The following AFG1L variants were observed in gnomAD, a reference collection of about 807,000 sequenced individuals.
The protein encoded by AFG1L is AFG1 like ATPase, also known as AFG1-like ATPase.
AFG1L carries 53 observed loss-of-function variants against 62.2 expected under a neutral mutation model. The observed-to-expected ratio is 0.85, with a 90% CI of 0.68 to 1.07. The LOEUF (loss-of-function observed/expected upper bound fraction) is 1.07, where lower values mean the gene tolerates loss of function less well. AFG1L is among the 50% of genes least tolerant of loss of function. The pLI is 0.00. For missense variants in AFG1L, 555 were observed against 590.5 expected, an observed-to-expected ratio of 0.94 and a Z score of 0.62; for synonymous variants, 228 against 210.3, an observed-to-expected ratio of 1.08 and a Z score of -0.73.
chr6:108,518,311 T>C (rs1774982412), intron 11 of AFG1L, among the ~76,000 whole-genome samples: 1 of 152,094 alleles, frequency 6.6e-6, no homozygotes, highest in Admixed American at 6.5e-5. Context: ...CACCATGGAA[T>C]ACTATGCAGC....
intron 7 of AFG1L, among the ~76,000 whole-genome samples, chr6:108,409,613 A>G (rs1277651093): frequency 6.6e-6 from 1 of 152,198 alleles, no homozygotes; most frequent in Non-Finnish European, 1.5e-5. Flanking sequence ...GACATAAGAG[A>G]TTAGACATGA....
chr6:108,499,852 T>C (rs961380918), intron 10 of AFG1L, among the ~76,000 whole-genome samples: 2 of 151,976 alleles, frequency 1.3e-5, no homozygotes, highest in Non-Finnish European at 2.9e-5. Context: ...GTTACATGGG[T>C]GTATTGTATA....
At chr6:108,345,043 G>A (rs1778813850) in intron 2 of AFG1L, among the ~76,000 whole-genome samples, 1 of 152,134 alleles carries the variant, frequency 6.6e-6, no homozygotes, top group African/African-American at 2.4e-5. Flanking sequence ...TCTTCTTGCT[G>A]AGTAGGAAGT....
intron 7 of AFG1L, among the ~76,000 whole-genome samples, chr6:108,431,957 A>G (rs1055336593): frequency 6.0e-5 from 9 of 150,554 alleles, no homozygotes; most frequent in African/African-American, 2.2e-4. Context: ...AGAGTTCCAG[A>G]CACTGACAGG....
At position 108,356,795 on chromosome 6, in the gene AFG1L, G is replaced by A; in HGVS notation, c.623G>A (p.Cys208Tyr). 6.2e-7 allele frequency: 1 copy of A among 1,613,230 alleles called. No individual in the cohort carries two copies. Among genetic ancestry groups the A allele is most frequent in the Non-Finnish European group, 8.5e-7 (1 of 1,179,598 alleles). The change falls in exon 5 of 13, where the codon TGT (cysteine) becomes TAT (tyrosine). Residue 208 changes from cysteine (C) to tyrosine (Y), a missense_variant. By Grantham distance (194) the Cys-to-Tyr change is radical (BLOSUM62 -2). Coordinates refer to ENST00000368977, the MANE Select transcript of AFG1L (RefSeq NM_145315.5). ...GCCGAAGAAATCAGCGAAGAAGCAT[G>A]TCTCCTATGTTTTGATGAATTTCAG... ...PIAEEISEEA[C>Y]LLCFDEFQVT... is the part of the protein sequence containing the mutation.
At chr6:108,360,869 C>T (rs971341112) in intron 5 of AFG1L, among the ~76,000 whole-genome samples, 5 of 152,196 alleles carry the variant, frequency 3.3e-5, no homozygotes, top group African/African-American at 1.2e-4. Flanking sequence ...TGTTGCTGCA[C>T]CAGCACTCTG....
rs532543753 is a variant in AFG1L at position 108,324,916 on chromosome 6, C to G, written c.363+868C>G. On this transcript the variant is annotated intron_variant, in intron 2 of 12. Transcript: ENST00000368977. ...CCATGTTGGCCAGGCTGGTCTTGAA[C>G]TCCTGACCTCAAGTGATCCACCTGT... is the stretch of plus-strand genomic sequence containing the variant. 8.5e-5 allele frequency among the ~76,000 whole-genome samples: 13 copies of G among 152,252 alleles called. No individual in the cohort carries two copies. In the South Asian group the frequency reaches 1.2e-3, roughly 15 times the overall value.
chr6:108,464,315 C>A (rs1772583658), intron 8 of AFG1L, among the ~76,000 whole-genome samples: 2 of 152,064 alleles, frequency 1.3e-5, no homozygotes, highest in African/African-American at 4.8e-5. Flanking sequence ...ATAATAAGGT[C>A]TTTTTTGACA....
At chr6:108,441,712 A>AAAATATATATATAT (rs1401294615) in intron 7 of AFG1L, among the ~76,000 whole-genome samples, 75 of 139,492 alleles carry the variant, frequency 5.4e-4, no homozygotes, top group South Asian at 1.4e-3. Context: ...AAAAAAAAAA[A>AAAATATATATATAT]ATATATATAT....
At chr6:108,518,733 A>T (rs1337909437) in intron 11 of AFG1L, among the ~76,000 whole-genome samples, 1 of 152,254 alleles carries the variant, frequency 6.6e-6, no homozygotes, top group East Asian at 1.9e-4. Context: ...ATCACATATG[A>T]ACACTCATTC....
At chr6:108,500,837 T>G (rs1257868279) in intron 10 of AFG1L, among the ~76,000 whole-genome samples, 1 of 152,214 alleles carries the variant, frequency 6.6e-6, no homozygotes, top group African/African-American at 2.4e-5. Context: ...GGCTTTTTAG[T>G]AATAGTCATT....
At chr6:108,508,956 G>T (rs1416040921) in intron 10 of AFG1L, among the ~76,000 whole-genome samples, 1 of 152,170 alleles carries the variant, frequency 6.6e-6, no homozygotes, top group Non-Finnish European at 1.5e-5. Flanking sequence ...AGGTCGATCA[G>T]GGTGACCCAG....
At chr6:108,344,501 G>T (rs939985524) in intron 2 of AFG1L, among the ~76,000 whole-genome samples, 2 of 152,130 alleles carry the variant, frequency 1.3e-5, no homozygotes, top group Non-Finnish European at 2.9e-5. Context: ...CAAGAGGATT[G>T]CTTGAGTCCA....
intron 8 of AFG1L, among the ~76,000 whole-genome samples, chr6:108,459,763 G>C (rs1316874014): frequency 3.3e-5 from 5 of 152,136 alleles, no homozygotes; most frequent in Admixed American, 1.3e-4. Context: ...AATGGATCTA[G>C]TTAATGATCA....
intron 1 of AFG1L, among the ~76,000 whole-genome samples, 164 bp from the exon 2 acceptor site, chr6:108,323,661 G>A (rs1163411109): frequency 6.6e-6 from 1 of 152,116 alleles, no homozygotes; most frequent in Non-Finnish European, 1.5e-5. Context: ...ATGCCTGGCT[G>A]AAAATGTATT....
intron 8 of AFG1L, among the ~76,000 whole-genome samples, chr6:108,470,679 A>C (rs1169004059): frequency 6.6e-6 from 1 of 152,228 alleles, no homozygotes; most frequent in Non-Finnish European, 1.5e-5. Flanking sequence ...ACAGTATTAC[A>C]GTGATCACCC....
At chr6:108,309,875 G>A (rs570992994) in intron 1 of AFG1L, among the ~76,000 whole-genome samples, 3 of 152,194 alleles carry the variant, frequency 2.0e-5, no homozygotes, top group African/African-American at 4.8e-5. Context: ...TCTCTCAGGG[G>A]TCTGAGATTT....
At chr6:108,400,652 T>C (rs1177868229) in intron 6 of AFG1L, among the ~76,000 whole-genome samples, 1 of 120,222 alleles carries the variant, frequency 8.3e-6, no homozygotes, top group Non-Finnish European at 1.6e-5. Context: ...ATAATTTATG[T>C]ATAATATATA....
intron 7 of AFG1L, among the ~76,000 whole-genome samples, chr6:108,414,111 A>G (rs1782243985): frequency 6.6e-6 from 1 of 152,240 alleles, no homozygotes; most frequent in South Asian, 2.1e-4. Context: ...TCCCACAGAA[A>G]TACAAACTAC....
Sources: gnomAD v4.1 joint callset for allele counts (sites outside exome capture counted in the v4.1 genomes callset) on GRCh38, gnomAD v4.1.1 for gene constraint, MANE v1.5 for transcripts, NCBI Gene and HGNC (gene_info 2026-07-23, HGNC 2026-07-21) for gene names.